PAPOLB: variants seen among roughly 807,000 people sequenced by gnomAD.
The protein encoded by PAPOLB is PAP-beta.
Under a neutral mutation model 23.2 loss-of-function variants are expected in PAPOLB, and 19 were observed. That is an observed-to-expected ratio of 0.82 (90% CI 0.57 to 1.20). The LOEUF is 1.20. Ranked by LOEUF, PAPOLB falls within the 50% of genes most tolerant of loss-of-function variation. The pLI, the probability that PAPOLB is intolerant of heterozygous loss-of-function variation, is 0.00. For missense variants in PAPOLB, 822 were observed against 776.8 expected, an observed-to-expected ratio of 1.06 and a Z score of -0.69; for synonymous variants, 360 against 290.7, an observed-to-expected ratio of 1.24 and a Z score of -2.43.
At position 4,859,884 on chromosome 7, in the gene PAPOLB, C is replaced by T. The variant is rs1308002726; in HGVS notation, c.*13G>A. 1 of 1,554,706 alleles carries T rather than the reference C, an allele frequency of 6.4e-7. No homozygotes were observed. Among genetic ancestry groups the T allele is most frequent in the South Asian group, 1.1e-5 (1 of 87,964 alleles). On this transcript the variant is annotated 3_prime_UTR_variant, in exon 1 of 1. Transcript: ENST00000404991. ...TTCTTCTTTATGAGGCAAGAATATC[C>T]TCTAGACTCCAACTATAGGATTAGA...
In PAPOLB at chr7:4,859,402, G is replaced by A. The variant is rs939618490; in HGVS notation, c.*495C>T. 1.9e-5 allele frequency: 3 copies of A among 155,964 alleles called. No individual in the cohort carries two copies. Among genetic ancestry groups the A allele is most frequent in the African/African-American group, 7.2e-5 (3 of 41,474 alleles). 9.7% of individuals were successfully genotyped at this position (155,964 alleles called of 1,614,324 possible). A position where few individuals can be genotyped will look rare whatever the true frequency, so the allele number is the denominator to read the frequency against. Reference sequence around the variant, plus strand: ...GATGTCAGTCACGGGTACAAACATAGCTGAAAGGTTTTTTCATTTTAAGGG... The same window carrying A: ...GATGTCAGTCACGGGTACAAACATAACTGAAAGGTTTTTTCATTTTAAGGG... On this transcript the variant is annotated 3_prime_UTR_variant, in exon 1 of 1. Coordinates refer to ENST00000404991, the MANE Select transcript of PAPOLB (RefSeq NM_020144.5).
In PAPOLB at chr7:4,861,742, G is replaced by C. The variant is rs748410274; in HGVS notation, c.69C>G (p.Val23=). ...GGACCGCTAGACTGATAGGCGAGGA[G>C]ACGCCGTAGCGATTCGGCGGCGGCG... ...QPAPPPNRYG[V]SSPISLAVPK... is the part of the protein sequence containing the mutation. Residue 23 remains valine, a synonymous_variant, in exon 1 of 1, where the codon GTC becomes GTG. Coordinates refer to ENST00000404991, the MANE Select transcript of PAPOLB (RefSeq NM_020144.5). 2.0e-6 allele frequency: 3 copies of C among 1,513,770 alleles called. No individual in the cohort carries two copies. The highest frequency in any genetic ancestry group is 2.6e-6 in the Non-Finnish European group (3 of 1,133,456). 93.8% of individuals were successfully genotyped at this position (1,513,770 alleles called of 1,614,324 possible). A position where few individuals can be genotyped will look rare whatever the true frequency, so the allele number is the denominator to read the frequency against.
In PAPOLB at chr7:4,860,716, A is replaced by C. The variant is rs368781878; in HGVS notation, c.1095T>G (p.Ala365=). 16 of 1,614,012 alleles carry C rather than the reference A, an allele frequency of 9.9e-6. No individual in the cohort carries two copies. The African/African-American group carries it at 1.6e-4, about 16-fold the overall frequency. Residue 365 remains alanine (A), a synonymous_variant, in exon 1 of 1, where the codon GCT becomes GCG. Coordinates refer to ENST00000404991, the MANE Select transcript of PAPOLB (RefSeq NM_020144.5). ...GCTTGTACTTTTGAAAGAAGCTTGG[A>C]GCTTCAAAGAGTTTGGACCACTCTG... ...SKAEWSKLFE[A]PSFFQKYKHY...
rs1323114929 is a variant in PAPOLB at position 4,861,191 on chromosome 7, AC to A, written c.619del (p.Val207Ter). 6.2e-7 allele frequency: 1 copy of A among 1,614,132 alleles called. No individual in the cohort carries two copies. The highest frequency in any genetic ancestry group is 1.3e-5 in the African/African-American group (1 of 74,946). ...CACTAGATGTAAAATTTCATCGGTT[AC>A]CCGGCAACCATTAAGGCTTCTTATG... Reference protein sequence around the residue: ...RCIRSLNGCRVTDEILHLVPN... With the variant: ...RCIRSLNGCRXTDEILHLVPN... On this transcript the variant is annotated frameshift_variant, in exon 1 of 1. Coordinates refer to ENST00000404991, the MANE Select transcript of PAPOLB (RefSeq NM_020144.5). LOFTEE classifies it high-confidence loss of function.
chr7:4,860,638 C>A lies in PAPOLB; in HGVS notation c.1173G>T (p.Trp391Cys), dbSNP rs1393608962. ...GGATCTTTGATTCCACCAAGCCCAC[C>A]CATTCTAAATGTTGTTTTTCTGTTG... ...SASTEKQHLE[W>C]VGLVESKIRI... The change falls in exon 1 of 1, where the codon TGG becomes TGT. Residue 391 changes from tryptophan to cysteine, a missense_variant. Coordinates refer to ENST00000404991, the MANE Select transcript of PAPOLB (RefSeq NM_020144.5). 6.2e-7 allele frequency: 1 copy of A among 1,613,988 alleles called. No homozygotes were observed. Among genetic ancestry groups the A allele is most frequent in the Non-Finnish European group, 8.5e-7 (1 of 1,179,968 alleles).
Position 4,861,839 on chromosome 7 carries a change from T to TCCCCCACCACCGCGACCTTCACGG in PAPOLB, c.-30_-29insCCGTGAAGGTCGCGGTGGTGGGGG. ...TCAGCGCCCGCCCCGCCAGGGCACG[T>TCCCCCACCACCGCGACCTTCACGG]CCCCCACCACCGCGACCTTCGCGGC... On this transcript the variant is annotated 5_prime_UTR_variant, in exon 1 of 1. Transcript: ENST00000404991. The TCCCCCACCACCGCGACCTTCACGG allele has an allele frequency of 7.2e-7, 1 of 1,396,122 alleles. No homozygotes were observed. Among genetic ancestry groups the TCCCCCACCACCGCGACCTTCACGG allele is most frequent in the Non-Finnish European group, 9.3e-7 (1 of 1,071,956 alleles). The allele number at this position is 1,396,122 out of a possible 1,614,324, so 86.5% of individuals were successfully genotyped here.
rs1480597794 is a variant in PAPOLB, at chr7:4,860,188, G to A, written c.1623C>T (p.Ser541=). 3.7e-6 allele frequency: 6 copies of A among 1,613,854 alleles called. No individual in the cohort carries two copies. In the African/African-American group the frequency reaches 8.0e-5, roughly 22 times the overall value. ...TAATCAATGGGCCTGTCTTCATAGT[G>A]CTAGTAGATGAAGGCACAGACATGC... The part of the protein sequence containing the change: ...ENSMSVPSST[S]TMKTGPLISS... The change falls in exon 1 of 1, where the codon AGC becomes AGT. Residue 541 remains serine, a synonymous_variant. Coordinates refer to ENST00000404991, the MANE Select transcript of PAPOLB (RefSeq NM_020144.5).
In PAPOLB at chr7:4,861,530, A is replaced by C; in HGVS notation, c.281T>G (p.Val94Gly). The C allele has an allele frequency of 1.2e-6, 2 of 1,614,036 alleles. No individual in the cohort carries two copies. Among genetic ancestry groups the C allele is most frequent in the South Asian group, 2.2e-5 (2 of 91,064 alleles). ...KSLPQSVIENVGGKIFTFGSY... is the reference protein window; with the variant it reads ...KSLPQSVIENGGGKIFTFGSY... ...GCCAAACGTAAAAATCTTTCCTCCA[A>C]CGTTTTCAATTACAGACTGGGGAAG... The change falls in exon 1 of 1, where the codon GTT (valine) becomes GGT (glycine). Residue 94 changes from valine to glycine, a missense_variant. Physicochemically the swap from Val to Gly is moderately radical, Grantham distance 109. Coordinates refer to ENST00000404991, the MANE Select transcript of PAPOLB (RefSeq NM_020144.5).
Position 4,860,956 on chromosome 7 carries a change from T to C in PAPOLB, c.855A>G (p.Pro285=), listed in dbSNP as rs750284949. 6.2e-6 allele frequency: 10 copies of C among 1,614,142 alleles called. No homozygotes were observed. In the South Asian group the frequency reaches 9.9e-5, roughly 16 times the overall value. Residue 285 remains proline (P), a synonymous_variant, in exon 1 of 1, where the codon CCA becomes CCG. Coordinates refer to ENST00000404991, the MANE Select transcript of PAPOLB (RefSeq NM_020144.5). ...LVFSEWEWPN[P]VLLKEPEERN... Reference sequence around the variant, plus strand: ...GTTCTTCAGGCTCCTTCAGTAACACTGGGTTTGGCCATTCCCATTCTGAAA... The same window carrying C: ...GTTCTTCAGGCTCCTTCAGTAACACCGGGTTTGGCCATTCCCATTCTGAAA...
In PAPOLB at chr7:4,860,352, T is replaced by C. The variant is rs17857123; in HGVS notation, c.1459A>G (p.Met487Val). 25 of 1,613,878 alleles carry C rather than the reference T, an allele frequency of 1.5e-5. No individual in the cohort carries two copies. In the South Asian group the frequency reaches 2.5e-4, roughly 16 times the overall value. The change falls in exon 1 of 1, where the codon ATG (methionine) becomes GTG (valine). Residue 487 changes from methionine to valine, a missense_variant. This residue lies in a region of PAPOLB where 534 missense variants were observed against 502.8 expected (regional missense o/e 1.06). Transcript: ENST00000404991. ...MFEMGMKITA[M>V]HLRRKELHQL... ...TGAAGTTCCTTTCTTCTTAAATGCA[T>C]TGCAGTAATTTTCATACCCATCTCA...
chr7:4,860,695 G>A lies in PAPOLB; in HGVS notation c.1116C>T (p.Tyr372=), dbSNP rs1355676086. 1.2e-6 allele frequency: 2 copies of A among 1,614,138 alleles called. No individual in the cohort carries two copies. The highest frequency in any genetic ancestry group is 2.2e-5 in the East Asian group (1 of 44,884). ...LFEAPSFFQK[Y]KHYIVLLASA... is the part of the protein sequence containing the mutation. ...TTGCCAGAAGTACAATATAATGCTT[G>A]TACTTTTGAAAGAAGCTTGGAGCTT... is the stretch of plus-strand genomic sequence containing the variant. Residue 372 remains tyrosine (Y), a synonymous_variant, in exon 1 of 1, where the codon TAC becomes TAT. Transcript: ENST00000404991.
In PAPOLB at chr7:4,857,972, A is replaced by AT. The variant is rs928841848; in HGVS notation, c.*1924dup. The AT allele has an allele frequency of 2.0e-5, 3 of 152,592 alleles. No homozygotes were observed. The highest frequency in any genetic ancestry group is 4.8e-5 in the African/African-American group (2 of 41,434). The allele number at this position is 152,592 out of a possible 1,614,324, so 9.5% of individuals were successfully genotyped here. ...GTTACAGGTAATGTTTAATAAACTA[A>AT]TTTTTTTCCCAATGTGTAAACAAAA... On this transcript the variant is annotated 3_prime_UTR_variant, in exon 1 of 1. Coordinates refer to ENST00000404991, the MANE Select transcript of PAPOLB (RefSeq NM_020144.5).
Position 4,860,232 on chromosome 7 carries a change from A to T in PAPOLB, c.1579T>A (p.Ser527Thr), listed in dbSNP as rs1292976182. The change falls in exon 1 of 1, where the codon TCT (serine) becomes ACT (threonine). Residue 527 changes from serine to threonine, a missense_variant. By Grantham distance (58) the Ser-to-Thr change is moderately conservative. Coordinates refer to ENST00000404991, the MANE Select transcript of PAPOLB (RefSeq NM_020144.5). ...TDLNDSSFDL[S>T]AGCENSMSVP... ...GACATGCTGTTTTCACAGCCTGCAGACAAGTCAAAGCTGCTGTCGTTCAAA... is the reference window on the plus strand; with the variant it reads ...GACATGCTGTTTTCACAGCCTGCAGTCAAGTCAAAGCTGCTGTCGTTCAAA... The T allele has an allele frequency of 1.2e-6, 2 of 1,613,910 alleles. No individual in the cohort carries two copies. The highest frequency in any genetic ancestry group is 1.7e-6 in the Non-Finnish European group (2 of 1,179,898).
Position 4,859,753 on chromosome 7 carries a change from GT to G in PAPOLB, c.*143del. 1 of 618,580 alleles carries G rather than the reference GT, an allele frequency of 1.6e-6. No individual in the cohort carries two copies. The highest frequency in any genetic ancestry group is 2.9e-6 in the Non-Finnish European group (1 of 349,090). 38.3% of individuals were successfully genotyped at this position (618,580 alleles called of 1,614,324 possible). ...GGATACCGGAAAGATCTATACTGAT[GT>G]TCCCTGAGAGGCCAATAGAGAAGAT... On this transcript the variant is annotated 3_prime_UTR_variant, in exon 1 of 1. Coordinates refer to ENST00000404991, the MANE Select transcript of PAPOLB (RefSeq NM_020144.5).
Position 4,859,850 on chromosome 7 carries a change from C to T in PAPOLB, c.*47G>A. 1 of 1,338,566 alleles carries T rather than the reference C, an allele frequency of 7.5e-7. No individual in the cohort carries two copies. 82.9% of individuals were successfully genotyped at this position (1,338,566 alleles called of 1,614,324 possible). On this transcript the variant is annotated 3_prime_UTR_variant, in exon 1 of 1. Transcript: ENST00000404991. ...GTTTCTCCTCTTCCGTTTTGGTTTT[C>T]TTGGTCCTTTCTTCTTTATGAGGCA...
Position 4,860,794 on chromosome 7 carries a change from A to C in PAPOLB, c.1017T>G (p.Ile339Met), listed in dbSNP as rs536555553. The change falls in exon 1 of 1, where the codon ATT becomes ATG. Residue 339 changes from isoleucine to methionine, a missense_variant. Transcript: ENST00000404991. ...NVSISTRMVM[I>M]EEFKQGLAIT... ...TAGCAAGCCCCTGTTTAAACTCCTC[A>C]ATCATGACCATCCTGGTTGAAATAG... 3.1e-6 allele frequency: 5 copies of C among 1,614,146 alleles called. No individual in the cohort carries two copies. The highest frequency in any genetic ancestry group is 1.7e-6 in the Non-Finnish European group (2 of 1,180,024).
In PAPOLB at chr7:4,861,432, G is replaced by C; in HGVS notation, c.379C>G (p.Arg127Gly). The C allele has an allele frequency of 6.2e-7, 1 of 1,614,124 alleles. No homozygotes were observed. The highest frequency in any genetic ancestry group is 8.5e-7 in the Non-Finnish European group (1 of 1,180,000). ...ALCVAPSHVD[R>G]SDFFTSFYAK... ...TAGAATGAGGTGAAAAAGTCGCTTC[G>C]ATCCACATGACTTGGTGCAACGCAC... Residue 127 changes from arginine (R) to glycine (G), a missense_variant, in exon 1 of 1, where the codon CGA becomes GGA. Arg to Gly is a moderately radical substitution (Grantham distance 125, BLOSUM62 -2). Around this residue, in one of 3 missense-constraint regions of PAPOLB, gnomAD observed 276 missense variants for 243.9 expected, o/e 1.13. Coordinates refer to ENST00000404991, the MANE Select transcript of PAPOLB (RefSeq NM_020144.5).
rs76212600 is a variant in PAPOLB, at chr7:4,859,734, C to T, written c.*163G>A. 1.9e-3 allele frequency: 1,140 copies of T among 595,952 alleles called. 5 individuals are homozygous for T. The highest frequency in any genetic ancestry group is 2.7e-3 in the Non-Finnish European group (896 of 336,998). 36.9% of individuals were successfully genotyped at this position (595,952 alleles called of 1,614,324 possible). ...GGATTTGCAGGGAGAACAGGGATAC[C>T]GGAAAGATCTATACTGATGTTCCCT... is the stretch of plus-strand genomic sequence containing the variant. On this transcript the variant is annotated 3_prime_UTR_variant, in exon 1 of 1. Transcript: ENST00000404991.
chr7:4,861,862 G>T lies in PAPOLB; in HGVS notation c.-52C>A. 1.6e-6 allele frequency: 2 copies of T among 1,279,274 alleles called. No homozygotes were observed. The highest frequency in any genetic ancestry group is 2.8e-4 in the Middle Eastern group (1 of 3,536). The allele number at this position is 1,279,274 out of a possible 1,614,324, so 79.2% of individuals were successfully genotyped here. A position where few individuals can be genotyped will look rare whatever the true frequency, so the allele number is the denominator to read the frequency against. ...CGTCCCCCACCACCGCGACCTTCGCGGCCGCCGCCCGGGTCATGATCCGCT... is the reference window on the plus strand; with the variant it reads ...CGTCCCCCACCACCGCGACCTTCGCTGCCGCCGCCCGGGTCATGATCCGCT... On this transcript the variant is annotated 5_prime_UTR_variant, in exon 1 of 1. Transcript: ENST00000404991.
Sources: allele counts gnomAD v4.1 joint callset, GRCh38; gene constraint gnomAD v4.1.1; regional missense constraint gnomAD v4.1.1; transcripts MANE v1.5; gene names NCBI Gene and HGNC (gene_info 2026-07-23, HGNC 2026-07-21).